The following NOX4 variants were observed in gnomAD, a reference collection of about 807,000 sequenced individuals.
NOX4 encodes the protein NADPH oxidase 4.
In NOX4, 69 loss-of-function variants were observed where a neutral mutation model predicts 87.6. That is an observed-to-expected ratio of 0.79 (90% confidence interval 0.65 to 0.96). The LOEUF is 0.96. Ranked by LOEUF, NOX4 falls within the 40% of genes least tolerant of loss-of-function variation. NOX4 has a pLI of 0.00. For missense variants in NOX4, 680 were observed against 681.5 expected (o/e 1.00, Z 0.02); for synonymous variants, 275 against 238.2 (o/e 1.15, Z -1.42).
chr11:89,512,266 T>A, the NOX4 span, among the ~76,000 whole-genome samples: 1 of 151,954 alleles, frequency 6.6e-6, no homozygotes, highest in African/African-American at 2.4e-5. Flanking sequence ...TTCCTTTTCC[T>A]TTTTTATAAT....
upstream of NOX4, among the ~76,000 whole-genome samples, chr11:89,500,970 G>A (rs139160470): frequency 3.7e-4 from 56 of 152,156 alleles, no homozygotes; most frequent in East Asian, 0.01. Context: ...TAGGGGGCAG[G>A]TAGAAAGGAC....
the NOX4 span, among the ~76,000 whole-genome samples, chr11:89,510,321 A>G: frequency 2.0e-5 from 3 of 152,108 alleles, no homozygotes; most frequent in African/African-American, 7.2e-5. Context: ...AAGATGCCCC[A>G]AGACATAGCT....
intron 17 of NOX4, among the ~76,000 whole-genome samples, chr11:89,327,646 T>G (rs1945276237): frequency 6.6e-6 from 1 of 152,154 alleles, no homozygotes; most frequent in Admixed American, 6.6e-5. Context: ...TCAAAATTAT[T>G]AATATTTCAT....
At chr11:89,337,574 C>T (rs1180497879) in intron 15 of NOX4, 59 bp from the exon 16 acceptor site, 1 of 1,594,458 alleles carries the variant, frequency 6.3e-7, no homozygotes, top group African/African-American at 1.3e-5. Flanking sequence ...CTCAGATTTT[C>T]TCCTATTCTA....
In NOX4 at chr11:89,326,596, G is replaced by C; in HGVS notation, c.*160C>G. On this transcript the variant is annotated 3_prime_UTR_variant, in exon 18 of 18. Coordinates refer to ENST00000263317, the MANE Select transcript of NOX4 (RefSeq NM_016931.5). ...TTCCAGATTAAACATGTAATGTGAC[G>C]GTCATCTTGCCACATTCTCACATTT... The C allele has an allele frequency of 1.1e-5, 6 of 524,268 alleles. No individual in the cohort carries two copies. In the South Asian group the frequency reaches 2.2e-4, roughly 19 times the overall value. 32.5% of individuals were successfully genotyped at this position (524,268 alleles called of 1,614,324 possible). A position where few individuals can be genotyped will look rare whatever the true frequency, so the allele number is the denominator to read the frequency against.
chr11:89,391,534 T>C (rs1184857452), intron 11 of NOX4, among the ~76,000 whole-genome samples: 1 of 151,958 alleles, frequency 6.6e-6, no homozygotes. Flanking sequence ...GGCAGGAGTA[T>C]TGTTTGAGGC....
chr11:89,358,247 A>C (rs181519601), intron 12 of NOX4, among the ~76,000 whole-genome samples: 1 of 151,660 alleles, frequency 6.6e-6, no homozygotes. Context: ...TTAGTCGGGC[A>C]TAGTGGTGGG....
At chr11:89,588,148 T>C in the NOX4 span, among the ~76,000 whole-genome samples, 1 of 152,220 alleles carries the variant, frequency 6.6e-6, no homozygotes, top group African/African-American at 2.4e-5. Context: ...ATCCCAGTTT[T>C]ACACCCTTGT....
chr11:89,351,046 A>T (rs1292678749), intron 13 of NOX4, among the ~76,000 whole-genome samples: 2 of 152,260 alleles, frequency 1.3e-5, no homozygotes, highest in Non-Finnish European at 1.5e-5. Flanking sequence ...TGCGCCAAAC[A>T]GTGAGCCAAA....
chr11:89,550,188 A>G, the NOX4 span, among the ~76,000 whole-genome samples: 1 of 134,334 alleles, frequency 7.4e-6, no homozygotes, highest in Middle Eastern at 4.1e-3. Flanking sequence ...AATGATAGCT[A>G]GTCTTTTTTT....
chr11:89,348,136 G>A (rs1383227131), intron 13 of NOX4, among the ~76,000 whole-genome samples: 2 of 152,248 alleles, frequency 1.3e-5, no homozygotes, highest in Admixed American at 1.3e-4. Context: ...CTATGTCTCT[G>A]GTCAGGTGTG....
At chr11:89,412,583 G>C (rs1942537937) in intron 8 of NOX4, among the ~76,000 whole-genome samples, 1 of 151,996 alleles carries the variant, frequency 6.6e-6, no homozygotes, top group African/African-American at 2.4e-5. Flanking sequence ...TGAAATTATT[G>C]AGGAAATTTT....
Position 89,474,545 on chromosome 11 carries a change from T to G in NOX4, c.153+15913A>C, listed in dbSNP as rs537632752. 5.3e-5 allele frequency among the ~76,000 whole-genome samples: 8 copies of G among 150,988 alleles called. No individual in the cohort carries two copies. In the East Asian group the frequency reaches 1.4e-3, roughly 26 times the overall value. Reference sequence around the variant, plus strand: ...TATGGTGTACATTATGGCATTATGGTGCACTATGTAGTCATTAAAGATAAA... The same window carrying G: ...TATGGTGTACATTATGGCATTATGGGGCACTATGTAGTCATTAAAGATAAA... On this transcript the variant is annotated intron_variant, in intron 2 of 17. Transcript: ENST00000263317.
the NOX4 span, among the ~76,000 whole-genome samples, chr11:89,517,215 C>T: frequency 6.6e-6 from 1 of 151,882 alleles, no homozygotes; most frequent in African/African-American, 2.4e-5. Flanking sequence ...CTAACAAGGA[C>T]CTTTTTCTAA....
chr11:89,514,719 T>C, the NOX4 span, among the ~76,000 whole-genome samples: 1 of 151,970 alleles, frequency 6.6e-6, no homozygotes. Flanking sequence ...TTTCTGTGTC[T>C]CCTATGATGA....
At chr11:89,507,566 G>T in the NOX4 span, among the ~76,000 whole-genome samples, 1,157 of 151,764 alleles carry the variant, frequency 7.6e-3, 16 homozygotes, top group African/African-American at 0.026. Flanking sequence ...CTATGTGTGT[G>T]TATATAGGTA....
chr11:89,437,616 G>A (rs1944144396), intron 6 of NOX4, among the ~76,000 whole-genome samples: 2 of 151,990 alleles, frequency 1.3e-5, no homozygotes, highest in African/African-American at 4.8e-5. Flanking sequence ...TTGCTGAATT[G>A]GGTGAGTCAA....
upstream of NOX4, chr11:89,491,413 G>T: frequency 1.6e-6 from 1 of 617,554 alleles, no homozygotes; most frequent in Non-Finnish European, 2.7e-6. Context: ...AGCCCGGGCG[G>T]GGTCTGCTAC....
intron 8 of NOX4, among the ~76,000 whole-genome samples, chr11:89,412,059 A>G (rs1942509905): frequency 6.6e-6 from 1 of 152,214 alleles, no homozygotes; most frequent in Non-Finnish European, 1.5e-5. Flanking sequence ...GACAAAAACC[A>G]TAAGAAGAGA....
Sources: gnomAD v4.1 joint callset for allele counts (sites outside exome capture counted in the v4.1 genomes callset) on GRCh38, gnomAD v4.1.1 for gene constraint, MANE v1.5 for transcripts, NCBI Gene and HGNC (gene_info 2026-07-23, HGNC 2026-07-21) for gene names.